The following PDE11A variants were observed in gnomAD, a reference collection of about 807,000 sequenced individuals.
PDE11A encodes the protein dual 3',5'-cyclic-AMP and -GMP phosphodiesterase 11A.
In PDE11A, 100 loss-of-function variants were observed where a neutral mutation model predicts 100.5. That is an observed-to-expected ratio of 1.00 (90% CI 0.85 to 1.18). The LOEUF is 1.18. Among genes scored for constraint, PDE11A ranks in the 50% most tolerant of loss-of-function variants. The pLI is 0.00. For missense variants in PDE11A, 1,141 were observed against 1,152.6 expected (o/e 0.99, Z 0.15); for synonymous variants, 381 against 420.8 (o/e 0.91, Z 1.16).
intron 18 of PDE11A, 81 bp from the exon 19 acceptor site, chr2:177,664,030 T>C (rs2080530998): frequency 1.2e-6 from 1 of 832,206 alleles, no homozygotes; most frequent in African/African-American, 1.7e-5. Flanking sequence ...TTTGCTAGAA[T>C]GATCCATTTT....
At chr2:177,719,794 A>C (rs2081498397) in intron 12 of PDE11A, among the ~76,000 whole-genome samples, 1 of 152,188 alleles carries the variant, frequency 6.6e-6, no homozygotes, top group Admixed American at 6.5e-5. Context: ...CATTATTAAA[A>C]TCACATTTAT....
At chr2:177,837,390 C>T (rs1429077872) in intron 6 of PDE11A, among the ~76,000 whole-genome samples, 1 of 151,998 alleles carries the variant, frequency 6.6e-6, no homozygotes, top group South Asian at 2.1e-4. Context: ...CCTGTAACTA[C>T]GTGGGAGTGC....
chr2:177,920,846 A>G (rs192210888), intron 2 of PDE11A, among the ~76,000 whole-genome samples: 2 of 152,254 alleles, frequency 1.3e-5, no homozygotes, highest in Admixed American at 1.3e-4. Context: ...GCGAAGCACG[A>G]GGTCAGGAGA....
intron 5 of PDE11A, among the ~76,000 whole-genome samples, chr2:177,873,902 A>G (rs2084187279): frequency 6.6e-6 from 1 of 152,232 alleles, no homozygotes; most frequent in Admixed American, 6.5e-5. Flanking sequence ...CTTGAGTATT[A>G]CATCTTGAAA....
intron 2 of PDE11A, among the ~76,000 whole-genome samples, chr2:178,094,639 T>C (rs1006317059): frequency 2.6e-5 from 4 of 152,184 alleles, no homozygotes; most frequent in African/African-American, 9.7e-5. Flanking sequence ...AAAAAAGGCC[T>C]TTATGAATTA....
intron 19 of PDE11A, among the ~76,000 whole-genome samples, chr2:177,662,953 C>G (rs4893977): frequency 6.6e-6 from 1 of 152,046 alleles, no homozygotes; most frequent in East Asian, 1.9e-4. Flanking sequence ...AACAATACTG[C>G]GTTTTTAATG....
At chr2:177,712,425 G>A (rs1473437369) in intron 12 of PDE11A, among the ~76,000 whole-genome samples, 3 of 148,762 alleles carry the variant, frequency 2.0e-5, no homozygotes, top group Non-Finnish European at 3.0e-5. Flanking sequence ...AGGTTATCTT[G>A]TAAATACCCT....
At chr2:177,963,780 C>G (rs2573081) in intron 2 of PDE11A, among the ~76,000 whole-genome samples, 85,582 of 152,082 alleles carry the variant, frequency 0.56, 26,768 homozygotes, top group African/African-American at 0.85. Context: ...GGATGGGGCA[C>G]GGTGGCTGCT....
At chr2:177,911,948 A>G (rs1442337967) in intron 2 of PDE11A, among the ~76,000 whole-genome samples, 1 of 152,180 alleles carries the variant, frequency 6.6e-6, no homozygotes, top group African/African-American at 2.4e-5. Flanking sequence ...ATTGTCCACT[A>G]TGAGAATTGA....
intron 2 of PDE11A, among the ~76,000 whole-genome samples, chr2:177,935,469 T>A (rs1056888461): frequency 3.3e-5 from 5 of 152,232 alleles, no homozygotes; most frequent in Non-Finnish European, 5.9e-5. Flanking sequence ...GTGCTTTTGC[T>A]TTTAAACTGA....
chr2:177,718,414 G>C (rs1369219470), intron 12 of PDE11A, among the ~76,000 whole-genome samples: 4 of 152,216 alleles, frequency 2.6e-5, no homozygotes, highest in Non-Finnish European at 5.9e-5. Context: ...TGATGATACA[G>C]TGTTAGATAA....
chr2:178,105,735 C>A, intron 1 of PDE11A: 1 of 1,116,894 alleles, frequency 9.0e-7, no homozygotes, highest in Non-Finnish European at 1.2e-6. Flanking sequence ...GCCTGGCACC[C>A]AATATCACCT....
intron 9 of PDE11A, among the ~76,000 whole-genome samples, chr2:177,778,113 T>G (rs916538045): frequency 6.6e-6 from 1 of 152,242 alleles, no homozygotes; most frequent in Non-Finnish European, 1.5e-5. Context: ...AAGTCACGTT[T>G]TTGTGTTGCA....
rs2080760235 is a variant in PDE11A, at chr2:177,675,580, C to T, written c.2424-62G>A. The T allele has an allele frequency of 9.4e-6, 11 of 1,170,176 alleles. No homozygotes were observed. The Middle Eastern group carries it at 5.7e-4, about 61-fold the overall frequency. 72.5% of individuals were successfully genotyped at this position (1,170,176 alleles called of 1,614,324 possible). The stretch of plus-strand genomic sequence containing the variant: ...CTTTTGTTGCATTCCTAAACAAACC[C>T]GTCCTAGATACATAAATAAATAAAA... On this transcript the variant is annotated intron_variant, in intron 16 of 19. Coordinates refer to ENST00000286063, the MANE Select transcript of PDE11A (RefSeq NM_016953.4).
At chr2:177,915,231 G>A (rs2084936317) in intron 2 of PDE11A, among the ~76,000 whole-genome samples, 1 of 152,084 alleles carries the variant, frequency 6.6e-6, no homozygotes, top group Non-Finnish European at 1.5e-5. Context: ...GTCTACAATA[G>A]GTTCACTCTT....
intron 9 of PDE11A, among the ~76,000 whole-genome samples, chr2:177,811,444 G>T (rs1444365767): frequency 6.6e-6 from 1 of 150,748 alleles, no homozygotes; most frequent in Non-Finnish European, 1.5e-5. Context: ...TAAATTACAA[G>T]AAATTAAGAA....
intron 2 of PDE11A, among the ~76,000 whole-genome samples, chr2:178,002,530 T>C (rs1029683765): frequency 6.6e-6 from 1 of 152,204 alleles, no homozygotes; most frequent in African/African-American, 2.4e-5. Flanking sequence ...TATAGGAAAG[T>C]AGCCAGCTTC....
intron 9 of PDE11A, among the ~76,000 whole-genome samples, chr2:177,776,837 A>G (rs114162091): frequency 0.021 from 3,224 of 152,226 alleles, 102 homozygotes; most frequent in African/African-American, 0.073. Flanking sequence ...TGTGTCCCCA[A>G]CCAAATCTCA....
intron 17 of PDE11A, among the ~76,000 whole-genome samples, chr2:177,670,467 A>G (rs997337310): frequency 1.6e-5 from 2 of 124,968 alleles, no homozygotes; most frequent in Middle Eastern, 3.5e-3. Context: ...TTGAATGGCT[A>G]TTTTCAACGC....
Sources: allele counts gnomAD v4.1 joint callset (sites outside exome capture counted in the v4.1 genomes callset), GRCh38; gene constraint gnomAD v4.1.1; transcripts MANE v1.5; gene names NCBI Gene and HGNC (gene_info 2026-07-23, HGNC 2026-07-21).